DDX19B: variants seen among roughly 807,000 people sequenced by gnomAD.
The protein encoded by DDX19B is DEAD-box helicase 19B.
In DDX19B, 27 loss-of-function variants were observed where a neutral mutation model predicts 58.1. The observed-to-expected ratio is 0.46, with a 90% CI of 0.34 to 0.64. DDX19B has a LOEUF of 0.64. Ranked by LOEUF, DDX19B falls within the 30% of genes least tolerant of loss-of-function variation. The pLI, the probability that DDX19B is intolerant of heterozygous loss-of-function variation, is 0.01. For missense variants in DDX19B, 399 were observed against 596.5 expected, an observed-to-expected ratio of 0.67 and a Z score of 3.45; for synonymous variants, 187 against 214.4, an observed-to-expected ratio of 0.87 and a Z score of 1.12.
chr16:70,290,890 C>T (rs1961043316), upstream of DDX19B, among the ~76,000 whole-genome samples: 1 of 152,114 alleles, frequency 6.6e-6, no homozygotes, highest in South Asian at 2.1e-4. Flanking sequence ...ACTCCAAAGC[C>T]CATGCTCTTA....
Position 70,316,061 on chromosome 16 carries a change from A to G in DDX19B, c.253A>G (p.Asn85Asp). Residue 85 changes from asparagine (N) to aspartate (D), a missense_variant, in exon 4 of 12, where the codon AAC becomes GAC. Around this residue, in one of 4 missense-constraint regions of DDX19B, gnomAD observed 132 missense variants for 159.4 expected, o/e 0.83. Coordinates refer to ENST00000288071, the MANE Select transcript of DDX19B (RefSeq NM_007242.7). Reference sequence around the variant, plus strand: ...AGTGGAAGTCCTGCAGCGGGATCCAAACTCCCCTCTGTACTCGGTGAAGTC... The same window carrying G: ...AGTGGAAGTCCTGCAGCGGGATCCAGACTCCCCTCTGTACTCGGTGAAGTC... ...NQVEVLQRDP[N>D]SPLYSVKSFE... 6.2e-7 allele frequency: 1 copy of G among 1,614,068 alleles called. No individual in the cohort carries two copies. Among genetic ancestry groups the G allele is most frequent in the Non-Finnish European group, 8.5e-7 (1 of 1,180,026 alleles).
intron 5 of DDX19B, among the ~76,000 whole-genome samples, chr16:70,323,478 C>T (rs1484108108): frequency 6.7e-6 from 1 of 150,106 alleles, no homozygotes; most frequent in South Asian, 2.1e-4. Flanking sequence ...GGCTGGAGTA[C>T]AGTGGCGCGA....
At position 70,315,140 on chromosome 16, in the gene DDX19B, G is replaced by A. The variant is rs556764432; in HGVS notation, c.160+185G>A. Among the ~76,000 whole-genome samples the A allele has an allele frequency of 4.0e-5, 6 of 151,804 alleles. No homozygotes were observed. The South Asian group carries it at 1.2e-3, about 32-fold the overall frequency. On this transcript the variant is annotated intron_variant, in intron 3 of 11. Coordinates refer to ENST00000288071, the MANE Select transcript of DDX19B (RefSeq NM_007242.7). The stretch of plus-strand genomic sequence containing the variant: ...ACCTGTAATCCCAGCACTTTGGGAG[G>A]CCGAGGTGGGCAGATCACGAGGTCA...
At chr16:70,294,182 C>T (rs1398857771), upstream of DDX19B, among the ~76,000 whole-genome samples, 1 of 150,074 alleles carries the variant, frequency 6.7e-6, no homozygotes, top group Non-Finnish European at 1.5e-5. Context: ...CCCGGGTTCA[C>T]GCCATTCTCC....
At chr16:70,309,546 G>A (rs1417598258) in intron 1 of DDX19B, among the ~76,000 whole-genome samples, 1 of 148,706 alleles carries the variant, frequency 6.7e-6, no homozygotes, top group African/African-American at 2.5e-5. Flanking sequence ...CTGGCTGGGT[G>A]CAGTGGCTTA....
chr16:70,301,190 A>G (rs1430262621), intron 1 of DDX19B, among the ~76,000 whole-genome samples: 2 of 151,864 alleles, frequency 1.3e-5, no homozygotes, highest in Non-Finnish European at 2.9e-5. Context: ...TTCTTGATTT[A>G]TTCCTTATTT....
intron 1 of DDX19B, among the ~76,000 whole-genome samples, chr16:70,306,220 T>A (rs977553165): frequency 2.0e-5 from 3 of 152,082 alleles, no homozygotes; most frequent in Non-Finnish European, 4.4e-5. Context: ...GGTGTGTACA[T>A]GGCTCACTGC....
At chr16:70,327,528 G>A (rs1377842859) in intron 7 of DDX19B, among the ~76,000 whole-genome samples, 1 of 151,196 alleles carries the variant, frequency 6.6e-6, no homozygotes, top group African/African-American at 2.4e-5. Flanking sequence ...GCAAGACTCT[G>A]TCTCAAAACA....
chr16:70,326,732 C>T (rs540668380), intron 7 of DDX19B, among the ~76,000 whole-genome samples: 5 of 152,136 alleles, frequency 3.3e-5, no homozygotes, highest in Non-Finnish European at 7.4e-5. Flanking sequence ...GATGGGGTTT[C>T]ACCACGTTGG....
chr16:70,292,395 C>T (rs1209324870), upstream of DDX19B, among the ~76,000 whole-genome samples: 2 of 152,168 alleles, frequency 1.3e-5, no homozygotes, highest in African/African-American at 4.8e-5. Context: ...GATTCGCCTG[C>T]CTTGGCCTCC....
chr16:70,319,061 G>A lies in DDX19B; in HGVS notation c.389+1473G>A, dbSNP rs188885149. On this transcript the variant is annotated intron_variant, in intron 5 of 11. Transcript: ENST00000288071. ...GGAGCTTGCAGTGAGCCGAGATCAC[G>A]CCACTGCACTCCAGCCTGGGCAACA... Among the ~76,000 whole-genome samples, 1,163 of 151,978 alleles carry A rather than the reference G, an allele frequency of 7.7e-3. 5 individuals carry two copies. The highest frequency in any genetic ancestry group is 0.013 in the Non-Finnish European group (908 of 67,940).
intron 10 of DDX19B, among the ~76,000 whole-genome samples, chr16:70,332,252 G>GT (rs1963523441): frequency 6.6e-6 from 1 of 152,258 alleles, no homozygotes; most frequent in South Asian, 2.1e-4. Flanking sequence ...CTGTATGCCT[G>GT]TATGTGCCCT....
chr16:70,303,172 C>G (rs1294372504), intron 1 of DDX19B, among the ~76,000 whole-genome samples: 2 of 152,140 alleles, frequency 1.3e-5, no homozygotes, highest in Admixed American at 1.3e-4. Flanking sequence ...GGGTCTCACT[C>G]TGTCACCCAG....
chr16:70,307,784 C>A (rs1230089804), intron 1 of DDX19B, among the ~76,000 whole-genome samples: 1 of 151,496 alleles, frequency 6.6e-6, no homozygotes, highest in African/African-American at 2.4e-5. Context: ...AATGCAGTGG[C>A]AAGATCATAG....
intron 6 of DDX19B, 114 bp from the exon 7 acceptor site, chr16:70,325,460 G>A: frequency 1.4e-6 from 1 of 713,470 alleles, no homozygotes; most frequent in South Asian, 1.7e-5. Flanking sequence ...ACATTTTAAT[G>A]TACATATTCT....
chr16:70,300,409 T>C (rs1373140520), intron 1 of DDX19B, among the ~76,000 whole-genome samples: 1 of 151,966 alleles, frequency 6.6e-6, no homozygotes, highest in African/African-American at 2.4e-5. Context: ...GGACTTGCCA[T>C]GTTGCCCAGG....
chr16:70,298,129 C>T (rs185623533), upstream of DDX19B, among the ~76,000 whole-genome samples: 10 of 152,250 alleles, frequency 6.6e-5, no homozygotes, highest in South Asian at 2.1e-4. Flanking sequence ...AACAAAAGGC[C>T]GGGTGCAGTG....
rs1963044796 is a variant in DDX19B at position 70,324,635 on chromosome 16, C to G, written c.440C>G (p.Ala147Gly). 6.2e-7 allele frequency: 1 copy of G among 1,613,790 alleles called. No individual in the cohort carries two copies. The highest frequency in any genetic ancestry group is 1.1e-5 in the South Asian group (1 of 91,050). The change falls in exon 6 of 12, where the codon GCC becomes GGC. Residue 147 changes from alanine to glycine, a missense_variant. Ala to Gly is a moderately conservative substitution (Grantham distance 60). This residue lies in a region of DDX19B where 2 missense variants were observed against 16.9 expected (regional missense o/e 0.12). Coordinates refer to ENST00000288071, the MANE Select transcript of DDX19B (RefSeq NM_007242.7). Reference protein sequence around the residue: ...QSQSGTGKTAAFVLAMLSQVE... With the variant: ...QSQSGTGKTAGFVLAMLSQVE... ...CAGTCTGGTACTGGTAAAACAGCTG[C>G]CTTCGTGCTGGCCATGCTTAGCCAA...
intron 1 of DDX19B, among the ~76,000 whole-genome samples, chr16:70,300,719 G>A (rs1370589378): frequency 2.6e-5 from 4 of 151,546 alleles, no homozygotes; most frequent in African/African-American, 7.3e-5. Flanking sequence ...TTGTGAAGAC[G>A]AGGTCTCACT....
Sources: gnomAD v4.1 joint callset for allele counts (sites outside exome capture counted in the v4.1 genomes callset) on GRCh38, gnomAD v4.1.1 for gene constraint, gnomAD v4.1.1 regional missense constraint, MANE v1.5 for transcripts, NCBI Gene and HGNC (gene_info 2026-07-23, HGNC 2026-07-21) for gene names.